USP53: variants seen among roughly 807,000 people sequenced by gnomAD.
USP53 encodes ubiquitin carboxyl-terminal hydrolase 53.
Under a neutral mutation model 94.9 loss-of-function variants are expected in USP53, and 71 were observed. The ratio of observed to expected loss-of-function variants is 0.75; its 90% CI spans 0.62 to 0.91. The LOEUF (loss-of-function observed/expected upper bound fraction) is 0.91, where lower values mean the gene tolerates loss of function less well. Ranked by LOEUF, USP53 falls within the 40% of genes least tolerant of loss-of-function variation. The pLI is 0.00. For synonymous variants in USP53, 375 were observed against 422.7 expected (o/e 0.89, Z 1.39); for missense variants, 1,173 against 1,281.0 (o/e 0.92, Z 1.29).
chr4:119,255,976 TG>T (rs1380132384), intron 7 of USP53, among the ~76,000 whole-genome samples: 8 of 152,190 alleles, frequency 5.3e-5, no homozygotes. Context: ...TCAGTCACCA[TG>T]GGTTTTTAGA....
intron 3 of USP53, among the ~76,000 whole-genome samples, chr4:119,227,256 T>TACACACACACACACACACACAC (rs3138727): frequency 0.03 from 3,686 of 124,900 alleles, 172 homozygotes; most frequent in Non-Finnish European, 0.034. Context: ...TGTCTAACAC[T>TACACACACACACACACACACAC]ACACACACAC....
chr4:119,271,104 C>G lies in USP53; in HGVS notation c.1436-192C>G, dbSNP rs570736698. On this transcript the variant is annotated intron_variant, in intron 15 of 18. Coordinates refer to ENST00000692078, the MANE Select transcript of USP53 (RefSeq NM_001371395.1). ...AGATCATTTTTTGAAGTTTCTTTTA[C>G]AAATACCCCTCATTAAGCATACACA... The G allele has an allele frequency of 1.6e-5, 10 of 618,152 alleles. No individual in the cohort carries two copies. In the East Asian group the frequency reaches 1.3e-3, roughly 79 times the overall value. 38.3% of individuals were successfully genotyped at this position (618,152 alleles called of 1,614,324 possible). A position where few individuals can be genotyped will look rare whatever the true frequency, so the allele number is the denominator to read the frequency against.
At chr4:119,222,302 G>C (rs1225353863) in intron 3 of USP53, among the ~76,000 whole-genome samples, 1 of 152,126 alleles carries the variant, frequency 6.6e-6, no homozygotes, top group Non-Finnish European at 1.5e-5. Flanking sequence ...GTTTCTTTGA[G>C]TTAGTAACAT....
chr4:119,265,463 T>C (rs113149509), intron 12 of USP53, among the ~76,000 whole-genome samples: 14 of 152,234 alleles, frequency 9.2e-5, no homozygotes, highest in African/African-American at 3.1e-4. Flanking sequence ...TATATTCACA[T>C]TGACTCCTCA....
chr4:119,259,353 T>G (rs1465645555), intron 9 of USP53, among the ~76,000 whole-genome samples: 1 of 152,074 alleles, frequency 6.6e-6, no homozygotes, highest in Non-Finnish European at 1.5e-5. Flanking sequence ...TTTAAAATCT[T>G]TGGTTGTGAC....
In USP53 at chr4:119,213,658, A is replaced by G. The variant is rs576503828; in HGVS notation, c.-941-412A>G. On this transcript the variant is annotated intron_variant, in intron 1 of 18. Transcript: ENST00000692078. The stretch of plus-strand genomic sequence containing the variant: ...TGGAAATAGATATATATATATATAT[A>G]TATGTGTGTGTGTGTATGTATGTAT... 1.5e-4 allele frequency among the ~76,000 whole-genome samples: 10 copies of G among 66,138 alleles called. 1 individual carries two copies. The highest frequency in any genetic ancestry group is 1.1e-3 in the East Asian group (3 of 2,840). The allele number at this position is 66,138 out of a possible 152,430, so 43.4% of individuals were successfully genotyped here. A position where few individuals can be genotyped will look rare whatever the true frequency, so the allele number is the denominator to read the frequency against.
At chr4:119,261,915 G>C in intron 12 of USP53, 51 bp downstream of exon 12, 1 of 1,327,870 alleles carries the variant, frequency 7.5e-7, no homozygotes, top group Non-Finnish European at 9.9e-7. Flanking sequence ...TTTACTTTTT[G>C]TTAATAAATG....
chr4:119,246,637 A>T (rs1170792733), intron 6 of USP53, among the ~76,000 whole-genome samples: 1 of 152,186 alleles, frequency 6.6e-6, no homozygotes, highest in Non-Finnish European at 1.5e-5. Context: ...AGGGCCTTAT[A>T]GGCCTCTGTA....
intron 17 of USP53, among the ~76,000 whole-genome samples, chr4:119,282,258 A>G (rs1438031694): frequency 6.6e-6 from 1 of 152,110 alleles, no homozygotes; most frequent in African/African-American, 2.4e-5. Flanking sequence ...GGCTATTGTG[A>G]ATAATGCTGC....
intron 17 of USP53, among the ~76,000 whole-genome samples, chr4:119,284,289 C>T (rs1402565572): frequency 1.3e-5 from 2 of 149,280 alleles, no homozygotes; most frequent in Non-Finnish European, 3.0e-5. Context: ...CTCAAATGGT[C>T]CAGAAAAAAA....
At position 119,294,519 on chromosome 4, in the gene USP53, T is replaced by C. The variant is rs565916811; in HGVS notation, c.*1308T>C. ...ATTTTGTACTATGCTGGTAAACTAA[T>C]TGTGGTTTAGAATAGTTTTATGTTC... On this transcript the variant is annotated 3_prime_UTR_variant, in exon 19 of 19. Transcript: ENST00000692078. 2.0e-5 allele frequency: 3 copies of C among 152,228 alleles called. No individual in the cohort carries two copies. Among genetic ancestry groups the C allele is most frequent in the Non-Finnish European group, 4.4e-5 (3 of 67,930 alleles). 9.4% of individuals were successfully genotyped at this position (152,228 alleles called of 1,614,324 possible). A position where few individuals can be genotyped will look rare whatever the true frequency, so the allele number is the denominator to read the frequency against.
At chr4:119,292,119 T>C (rs1231965016) in intron 18 of USP53, among the ~76,000 whole-genome samples, 1 of 152,146 alleles carries the variant, frequency 6.6e-6, no homozygotes. Flanking sequence ...GATGGGTGTT[T>C]CTGGTAAACA....
intron 17 of USP53, among the ~76,000 whole-genome samples, chr4:119,275,804 G>C (rs994338156): frequency 2.0e-5 from 3 of 152,086 alleles, no homozygotes; most frequent in African/African-American, 7.2e-5. Context: ...TTCTTGAAGA[G>C]GTCCTTCACA....
chr4:119,271,035 G>A (rs924566117), intron 15 of USP53, among the ~76,000 whole-genome samples: 4 of 152,128 alleles, frequency 2.6e-5, no homozygotes, highest in East Asian at 1.9e-4. Flanking sequence ...GTGAGATAGA[G>A]TGCTTATTTT....
rs1751293337 is a variant in USP53, at chr4:119,267,479, A to G, written c.1132A>G (p.Met378Val). 2.5e-6 allele frequency: 4 copies of G among 1,607,446 alleles called. No individual in the cohort carries two copies. The highest frequency in any genetic ancestry group is 3.4e-6 in the Non-Finnish European group (4 of 1,178,198). The change falls in exon 13 of 19, where the codon ATG (methionine) becomes GTG (valine). Residue 378 changes from methionine (M) to valine (V), a missense_variant. Transcript: ENST00000692078. ...WSHYKSVAEN[M>V]GCEKPVIHKS... ...ACATTACAAATCTGTTGCAGAAAAT[A>G]TGGGTAATTCTTTCTTTTAAAAATT...
chr4:119,260,387 T>C (rs1208051934), intron 10 of USP53, 120 bp from the exon 11 acceptor site: 1 of 752,782 alleles, frequency 1.3e-6, no homozygotes, highest in African/African-American at 1.8e-5. Flanking sequence ...AGAAGTCAAT[T>C]TTTAGTATAC....
intron 17 of USP53, among the ~76,000 whole-genome samples, chr4:119,274,099 AT>A (rs1752241620): frequency 9.6e-6 from 1 of 103,704 alleles, no homozygotes; most frequent in Admixed American, 9.5e-5. Context: ...TTATTTATTT[AT>A]TTATTTTTTT....
At position 119,295,290 on chromosome 4, in the gene USP53, T is replaced by C. The variant is rs934774177; in HGVS notation, c.*2079T>C. On this transcript the variant is annotated 3_prime_UTR_variant, in exon 19 of 19. Coordinates refer to ENST00000692078, the MANE Select transcript of USP53 (RefSeq NM_001371395.1). ...GTTGATTCAACACTCCAGATACAGA[T>C]TGATACATATATACTAATCATTTTA... is the stretch of plus-strand genomic sequence containing the variant. 1 of 152,116 alleles carries C rather than the reference T, an allele frequency of 6.6e-6. No homozygotes were observed. The highest frequency in any genetic ancestry group is 1.5e-5 in the Non-Finnish European group (1 of 68,014). 9.4% of individuals were successfully genotyped at this position (152,116 alleles called of 1,614,324 possible).
chr4:119,271,608 G>T lies in USP53; in HGVS notation c.1748G>T (p.Gly583Val). The change falls in exon 16 of 19, where the codon GGT (glycine) becomes GTT (valine). Residue 583 changes from glycine (G) to valine (V), a missense_variant. By Grantham distance (109) the Gly-to-Val change is moderately radical (BLOSUM62 -3). Coordinates refer to ENST00000692078, the MANE Select transcript of USP53 (RefSeq NM_001371395.1). ...AGCAGCAGTAAAAGCCGGAACCGAGGTTGGAAACCTATGAGAGAAACATTA... is the reference window on the plus strand; with the variant it reads ...AGCAGCAGTAAAAGCCGGAACCGAGTTTGGAAACCTATGAGAGAAACATTA... Reference protein sequence around the residue: ...CDSSSKSRNRGWKPMRETLNV... With the variant: ...CDSSSKSRNRVWKPMRETLNV... 6.2e-7 allele frequency: 1 copy of T among 1,613,752 alleles called. No individual in the cohort carries two copies. The highest frequency in any genetic ancestry group is 1.3e-5 in the African/African-American group (1 of 75,010).
Sources: gnomAD v4.1 joint callset for allele counts (sites outside exome capture counted in the v4.1 genomes callset) on GRCh38, gnomAD v4.1.1 for gene constraint, MANE v1.5 for transcripts, NCBI Gene and HGNC (gene_info 2026-07-23, HGNC 2026-07-21) for gene names.